The following STXBP4 variants were observed in gnomAD, a reference collection of about 807,000 sequenced individuals.
STXBP4 encodes the protein syntaxin binding protein 4, also known as syntaxin-binding protein 4.
Under a neutral mutation model 76.1 loss-of-function variants are expected in STXBP4, and 55 were observed. That is an observed-to-expected ratio of 0.72 (90% CI 0.58 to 0.91). The LOEUF is 0.91. STXBP4 is among the 40% of genes least tolerant of loss of function. The probability of loss-of-function intolerance (pLI) is 0.00; values close to 1 mark genes in which losing one functional copy is unlikely to be tolerated. For missense variants in STXBP4, 618 were observed against 636.9 expected, an observed-to-expected ratio of 0.97 and a Z score of 0.32; for synonymous variants, 201 against 220.2, an observed-to-expected ratio of 0.91 and a Z score of 0.77.
chr17:55,154,781 C>T (rs1025867712), intron 17 of STXBP4, among the ~76,000 whole-genome samples: 11 of 151,968 alleles, frequency 7.2e-5, no homozygotes, highest in Non-Finnish European at 1.3e-4. Flanking sequence ...AGTCTAGTGA[C>T]AACAATTTTT....
chr17:55,073,693 A>G (rs1055870108), intron 13 of STXBP4, among the ~76,000 whole-genome samples: 7 of 152,138 alleles, frequency 4.6e-5, no homozygotes, highest in African/African-American at 1.7e-4. Context: ...CAATGGCATG[A>G]TCTCAGCTCA....
intron 4 of STXBP4, among the ~76,000 whole-genome samples, chr17:54,995,600 G>A (rs2077787779): frequency 6.6e-6 from 1 of 152,158 alleles, no homozygotes; most frequent in African/African-American, 2.4e-5. Flanking sequence ...GTGTCATCAT[G>A]TAATTTGTGG....
intron 12 of STXBP4, among the ~76,000 whole-genome samples, chr17:55,049,129 G>A (rs2078827487): frequency 6.6e-6 from 1 of 151,822 alleles, no homozygotes; most frequent in African/African-American, 2.4e-5. Context: ...AAGAAAGAAA[G>A]TATACAAAAA....
At chr17:55,111,849 G>A (rs1357254849) in intron 16 of STXBP4, among the ~76,000 whole-genome samples, 4 of 152,090 alleles carry the variant, frequency 2.6e-5, no homozygotes, top group Admixed American at 1.3e-4. Flanking sequence ...GCCTGGAATG[G>A]TATTCCTTCA....
At chr17:55,096,809 C>T (rs1273455439) in intron 16 of STXBP4, among the ~76,000 whole-genome samples, 2 of 152,014 alleles carry the variant, frequency 1.3e-5, no homozygotes, top group African/African-American at 4.8e-5. Context: ...GGGATGCACT[C>T]CTCCATAAAG....
intron 6 of STXBP4, chr17:55,000,283 G>A: frequency 7.1e-6 from 7 of 984,892 alleles, no homozygotes; most frequent in Non-Finnish European, 8.4e-6. Flanking sequence ...CTTCATGTGT[G>A]CATGCTATAG....
At chr17:55,079,814 C>T (rs2079234219) in intron 15 of STXBP4, among the ~76,000 whole-genome samples, 1 of 152,000 alleles carries the variant, frequency 6.6e-6, no homozygotes, top group South Asian at 2.1e-4. Context: ...ACTGTGAAAA[C>T]AGCAGCTTAA....
At chr17:55,035,141 G>A (rs1051880024) in intron 10 of STXBP4, among the ~76,000 whole-genome samples, 1 of 151,916 alleles carries the variant, frequency 6.6e-6, no homozygotes, top group Non-Finnish European at 1.5e-5. Flanking sequence ...TAGATACACA[G>A]ATCTGTTTTT....
chr17:55,156,733 C>T (rs565605261), intron 17 of STXBP4, among the ~76,000 whole-genome samples: 70 of 151,828 alleles, frequency 4.6e-4, no homozygotes, highest in Non-Finnish European at 7.2e-4. Flanking sequence ...TAGGTGTGTG[C>T]GTGTGTGTTT....
At chr17:55,181,083 A>G in the STXBP4 span, among the ~76,000 whole-genome samples, 2 of 152,186 alleles carry the variant, frequency 1.3e-5, no homozygotes. Context: ...TTACTCTATC[A>G]CACTAGCAAC....
Position 55,007,596 on chromosome 17 carries a change from T to C in STXBP4, c.665T>C (p.Met222Thr), listed in dbSNP as rs200826683. 2.3e-5 allele frequency: 37 copies of C among 1,595,048 alleles called. No individual in the cohort carries two copies. In the Admixed American group the frequency reaches 5.5e-4, roughly 24 times the overall value. ...CGCTTTAAGGCAGAGAAACTGGAAATGGTAAAACCTTTAAATTTTCATTTT... is the reference window on the plus strand; with the variant it reads ...CGCTTTAAGGCAGAGAAACTGGAAACGGTAAAACCTTTAAATTTTCATTTT... ...SVRFKAEKLE[M>T]ALNYLGIQPT... Residue 222 changes from methionine (M) to threonine (T), a missense_variant and splice_region_variant, in exon 8 of 18, where the codon ATG becomes ACG. Transcript: ENST00000376352.
rs567843875 is a variant in STXBP4, at chr17:55,028,512, G to A, written c.667-2656G>A. 2.9e-4 allele frequency among the ~76,000 whole-genome samples: 44 copies of A among 152,208 alleles called. 1 individual carries two copies. The highest frequency in any genetic ancestry group is 6.8e-3 in the Middle Eastern group (2 of 294). ...AAAATTAGACACCAATTGTTAATATGGCAATTGTCTTCAGAGCAGTGGTTC... is the reference window on the plus strand; with the variant it reads ...AAAATTAGACACCAATTGTTAATATAGCAATTGTCTTCAGAGCAGTGGTTC... On this transcript the variant is annotated intron_variant, in intron 8 of 17. Transcript: ENST00000376352.
chr17:55,186,805 A>T, the STXBP4 span, among the ~76,000 whole-genome samples: 1 of 152,196 alleles, frequency 6.6e-6, no homozygotes, highest in South Asian at 2.1e-4. Flanking sequence ...AGTCCCCAAT[A>T]AATATCACTC....
At chr17:55,190,881 C>T in the STXBP4 span, among the ~76,000 whole-genome samples, 29 of 152,326 alleles carry the variant, frequency 1.9e-4, no homozygotes, top group Non-Finnish European at 3.7e-4. Flanking sequence ...ACTTCATCTG[C>T]TGACTTGCTC....
Position 55,137,499 on chromosome 17 carries a change from T to C in STXBP4, c.1490-3811T>C, listed in dbSNP as rs554524400. Reference sequence around the variant, plus strand: ...AATGAACAGTCTTGTCAATAAAACATATCTATAGGATAAGTTTCTACAAGA... The same window carrying C: ...AATGAACAGTCTTGTCAATAAAACACATCTATAGGATAAGTTTCTACAAGA... On this transcript the variant is annotated intron_variant, in intron 16 of 17. Transcript: ENST00000376352. Among the ~76,000 whole-genome samples the C allele has an allele frequency of 3.3e-5, 5 of 152,276 alleles. No individual in the cohort carries two copies. The East Asian group carries it at 9.6e-4, about 29-fold the overall frequency.
At chr17:55,077,771 G>A (rs1314960835) in intron 13 of STXBP4, among the ~76,000 whole-genome samples, 3 of 150,624 alleles carry the variant, frequency 2.0e-5, no homozygotes, top group Non-Finnish European at 4.4e-5. Context: ...AGAGGTTTCT[G>A]TCAGCATCTG....
intron 10 of STXBP4, 31 bp from the exon 11 acceptor site, chr17:55,043,205 C>T (rs1404964445): frequency 6.4e-6 from 8 of 1,251,068 alleles, no homozygotes; most frequent in Middle Eastern, 2.2e-4. Context: ...ATCTAATGCA[C>T]AACTTTTCTC....
At chr17:54,977,200 GA>G (rs1191337615) in intron 1 of STXBP4, among the ~76,000 whole-genome samples, 3 of 151,866 alleles carry the variant, frequency 2.0e-5, no homozygotes, top group African/African-American at 2.4e-5. Context: ...ATTCTTGAAA[GA>G]AAAAAACATG....
chr17:55,151,232 T>G (rs1461040589), intron 17 of STXBP4, among the ~76,000 whole-genome samples: 3 of 152,142 alleles, frequency 2.0e-5, no homozygotes, highest in Non-Finnish European at 4.4e-5. Flanking sequence ...TACAGGGAGT[T>G]AGAAGTAGAG....
Sources: gnomAD v4.1 joint callset for allele counts (sites outside exome capture counted in the v4.1 genomes callset) on GRCh38, gnomAD v4.1.1 for gene constraint, MANE v1.5 for transcripts, NCBI Gene and HGNC (gene_info 2026-07-23, HGNC 2026-07-21) for gene names.